Variants in GPATCH2 observed in about 807,000 individuals in gnomAD.
GPATCH2 encodes G-patch domain containing 2, also known as G patch domain-containing protein 2.
A neutral mutation model predicts 58.0 loss-of-function variants in GPATCH2; 51 were observed. The observed-to-expected ratio is 0.88, with a 90% CI of 0.70 to 1.11. GPATCH2 has a LOEUF of 1.11. Ranked by LOEUF, GPATCH2 falls within the 50% of genes most tolerant of loss-of-function variation. GPATCH2 has a pLI of 0.00. For synonymous variants in GPATCH2, 222 were observed against 218.5 expected, an observed-to-expected ratio of 1.02 and a Z score of -0.14; for missense variants, 625 against 652.2, an observed-to-expected ratio of 0.96 and a Z score of 0.45.
chr1:217,517,142 A>G (rs1663203239), intron 5 of GPATCH2, among the ~76,000 whole-genome samples: 1 of 152,214 alleles, frequency 6.6e-6, no homozygotes, highest in Non-Finnish European at 1.5e-5. Flanking sequence ...GCAGCAAGTA[A>G]CCCACAAAAG....
At chr1:217,566,418 C>T (rs1050492514) in intron 5 of GPATCH2, among the ~76,000 whole-genome samples, 1 of 152,168 alleles carries the variant, frequency 6.6e-6, no homozygotes, top group East Asian at 1.9e-4. Context: ...TCTAAAACTG[C>T]ATATGTATCA....
intron 2 of GPATCH2, among the ~76,000 whole-genome samples, chr1:217,616,073 T>C (rs1668871290): frequency 6.6e-6 from 1 of 152,162 alleles, no homozygotes; most frequent in Non-Finnish European, 1.5e-5. Flanking sequence ...TATATCAATT[T>C]TGTTTCATTA....
intron 8 of GPATCH2, among the ~76,000 whole-genome samples, chr1:217,487,012 G>C (rs575308790): frequency 6.6e-6 from 1 of 152,302 alleles, no homozygotes; most frequent in East Asian, 1.9e-4. Flanking sequence ...GCAGGCAGCA[G>C]TTCTCCCAAG....
chr1:217,610,011 C>T, intron 5 of GPATCH2: 2 of 1,411,860 alleles, frequency 1.4e-6, no homozygotes, highest in Non-Finnish European at 1.8e-6. Context: ...AATACCAGTC[C>T]TCCAGCAAAA....
chr1:217,516,058 T>G (rs994997918), intron 5 of GPATCH2, among the ~76,000 whole-genome samples: 1 of 151,928 alleles, frequency 6.6e-6, no homozygotes, highest in African/African-American at 2.4e-5. Context: ...CTAAATAAAA[T>G]TTAAAATCTA....
chr1:217,516,475 G>A (rs1345052879), intron 5 of GPATCH2, among the ~76,000 whole-genome samples: 1 of 152,140 alleles, frequency 6.6e-6, no homozygotes, highest in Non-Finnish European at 1.5e-5. Context: ...GTAAACATGT[G>A]GCTCAACTCC....
intron 5 of GPATCH2, among the ~76,000 whole-genome samples, chr1:217,525,495 T>C (rs1018852541): frequency 6.6e-6 from 1 of 152,192 alleles, no homozygotes; most frequent in African/African-American, 2.4e-5. Flanking sequence ...ATGTTTAAAG[T>C]CTTCATTCCC....
At chr1:217,537,640 G>C (rs1039545352) in intron 5 of GPATCH2, among the ~76,000 whole-genome samples, 1 of 152,072 alleles carries the variant, frequency 6.6e-6, no homozygotes, top group Non-Finnish European at 1.5e-5. Context: ...GCTAAAAATG[G>C]TGAAACAAAA....
chr1:217,551,630 G>GA (rs1181910435), intron 5 of GPATCH2, among the ~76,000 whole-genome samples: 3 of 152,130 alleles, frequency 2.0e-5, no homozygotes, highest in African/African-American at 7.2e-5. Context: ...CATGAACTGA[G>GA]AAATACGAAC....
chr1:217,493,832 A>G (rs1250021543), intron 7 of GPATCH2, among the ~76,000 whole-genome samples: 1 of 152,174 alleles, frequency 6.6e-6, no homozygotes, highest in Non-Finnish European at 1.5e-5. Flanking sequence ...TTAAATTAAT[A>G]ATAATAGTTA....
intron 5 of GPATCH2, among the ~76,000 whole-genome samples, chr1:217,547,419 T>C (rs1479861342): frequency 6.6e-6 from 1 of 151,958 alleles, no homozygotes; most frequent in African/African-American, 2.4e-5. Context: ...TGTACACTGC[T>C]GGCGGGAGTG....
At chr1:217,559,860 C>T (rs960266872) in intron 5 of GPATCH2, among the ~76,000 whole-genome samples, 9 of 151,154 alleles carry the variant, frequency 6.0e-5, no homozygotes, top group Non-Finnish European at 1.0e-4. Flanking sequence ...TCAAGAGACA[C>T]AAAAATCCAG....
intron 5 of GPATCH2, among the ~76,000 whole-genome samples, chr1:217,563,112 G>A (rs551426946): frequency 3.3e-5 from 5 of 152,262 alleles, no homozygotes; most frequent in African/African-American, 1.2e-4. Flanking sequence ...CACAAGTAAA[G>A]GTAATATCCG....
Position 217,498,294 on chromosome 1 carries a change from GGA to G in GPATCH2, c.1206+60_1206+61del, listed in dbSNP as rs1202075139. On this transcript the variant is annotated intron_variant, in intron 7 of 9. Coordinates refer to ENST00000366935, the MANE Select transcript of GPATCH2 (RefSeq NM_018040.5). ...ATAAAGCTGATCTACTCTCCTGAAG[GGA>G]GACAGTTAAATACTTGAAAGAGGCT... The G allele has an allele frequency of 3.3e-6, 4 of 1,214,574 alleles. No homozygotes were observed. In the East Asian group the frequency reaches 9.3e-5, roughly 28 times the overall value. 75.2% of individuals were successfully genotyped at this position (1,214,574 alleles called of 1,614,324 possible).
chr1:217,555,465 G>A (rs1022528590), intron 5 of GPATCH2, among the ~76,000 whole-genome samples: 4 of 152,030 alleles, frequency 2.6e-5, no homozygotes, highest in Non-Finnish European at 4.4e-5. Flanking sequence ...TGTACGTTAG[G>A]GTATGAAGGT....
chr1:217,520,219 A>C (rs191033105), intron 5 of GPATCH2, among the ~76,000 whole-genome samples: 1 of 152,292 alleles, frequency 6.6e-6, no homozygotes, highest in African/African-American at 2.4e-5. Context: ...AGTCACTACA[A>C]ATCCTTACCT....
Position 217,427,175 on chromosome 1 carries a change from C to CAG in GPATCH2, c.*3968_*3969dup, listed in dbSNP as rs1658372353. On this transcript the variant is annotated 3_prime_UTR_variant, in exon 10 of 10. Coordinates refer to ENST00000366935, the MANE Select transcript of GPATCH2 (RefSeq NM_018040.5). ...TTTGAACTCTGATACTTTAAGTGGT[C>CAG]AGAGAGAGCGTGTGTACCTTGTTAC... The CAG allele has an allele frequency of 6.6e-6, 1 of 152,040 alleles. No homozygotes were observed. The highest frequency in any genetic ancestry group is 1.5e-5 in the Non-Finnish European group (1 of 67,998). The allele number at this position is 152,040 out of a possible 1,614,324, so 9.4% of individuals were successfully genotyped here.
At chr1:217,469,386 T>C (rs1287002338) in intron 8 of GPATCH2, among the ~76,000 whole-genome samples, 1 of 152,170 alleles carries the variant, frequency 6.6e-6, no homozygotes, top group Non-Finnish European at 1.5e-5. Context: ...ATCAGAAGTA[T>C]ATGAAATAAA....
intron 5 of GPATCH2, among the ~76,000 whole-genome samples, chr1:217,531,612 C>A (rs538332951): frequency 4.1e-4 from 63 of 152,180 alleles, no homozygotes; most frequent in Non-Finnish European, 7.6e-4. Flanking sequence ...CAGTGCTTTG[C>A]ATAAAGAGTG....
Sources: gnomAD v4.1 joint callset for allele counts (sites outside exome capture counted in the v4.1 genomes callset) on GRCh38, gnomAD v4.1.1 for gene constraint, MANE v1.5 for transcripts, NCBI Gene and HGNC (gene_info 2026-07-23, HGNC 2026-07-21) for gene names.